The following ATXN10 variants were observed in gnomAD, a reference collection of about 807,000 sequenced individuals.
The protein encoded by ATXN10 is ataxin-10.
In ATXN10, 28 loss-of-function variants were observed where a neutral mutation model predicts 52.9. The ratio of observed to expected loss-of-function variants is 0.53; its 90% CI spans 0.39 to 0.73. ATXN10 has a LOEUF of 0.73. ATXN10 is among the 30% of genes least tolerant of loss of function. The probability of loss-of-function intolerance (pLI) is 0.00; values close to 1 mark genes in which losing one functional copy is unlikely to be tolerated. For synonymous variants in ATXN10, 226 were observed against 221.5 expected, an observed-to-expected ratio of 1.02 and a Z score of -0.18; for missense variants, 565 against 577.0, an observed-to-expected ratio of 0.98 and a Z score of 0.21.
At chr22:45,751,740 G>GAAAAAAAAA (rs200364242) in intron 9 of ATXN10, among the ~76,000 whole-genome samples, 3 of 45,498 alleles carry the variant, frequency 6.6e-5, no homozygotes, top group Admixed American at 5.0e-4. Context: ...CCTTTTTCTG[G>GAAAAAAAAA]AAAAAAAAAA....
rs1473870891 is a variant in ATXN10 at position 45,818,533 on chromosome 22, A to G, written c.1237+11511A>G. 1.3e-5 allele frequency among the ~76,000 whole-genome samples: 2 copies of G among 152,306 alleles called. No homozygotes were observed. The highest frequency in any genetic ancestry group is 2.1e-4 in the South Asian group (1 of 4,822). Reference sequence around the variant, plus strand: ...TGTTGTTTTTCAGAGCGAGGTTCTCAGTGTGAGCCATGTGGGCGGTCCTTT... The same window carrying G: ...TGTTGTTTTTCAGAGCGAGGTTCTCGGTGTGAGCCATGTGGGCGGTCCTTT... On this transcript the variant is annotated intron_variant, in intron 10 of 11. Coordinates refer to ENST00000252934, the MANE Select transcript of ATXN10 (RefSeq NM_013236.4). This position sits in a 1 kb window ranked among gnomAD's most constrained non-coding sequence, Gnocchi z 4.6.
In ATXN10 at chr22:45,774,964, G is replaced by C. The variant is rs1015463688; in HGVS notation, c.1174-31995G>C. The stretch of plus-strand genomic sequence containing the variant: ...CAAAACAAACAAATAAATAAATAAA[G>C]GCAGGGGTCGGAGAAACACTAAAGT... On this transcript the variant is annotated intron_variant, in intron 9 of 11. Coordinates refer to ENST00000252934, the MANE Select transcript of ATXN10 (RefSeq NM_013236.4). The surrounding 1 kb of genome is among the most constrained non-coding windows in gnomAD (Gnocchi z 6.2). Among the ~76,000 whole-genome samples the C allele has an allele frequency of 6.6e-6, 1 of 152,132 alleles. No homozygotes were observed. Among genetic ancestry groups the C allele is most frequent in the Non-Finnish European group, 1.5e-5 (1 of 67,988 alleles).
intron 6 of ATXN10, among the ~76,000 whole-genome samples, chr22:45,725,629 C>T (rs1924838792): frequency 6.6e-6 from 1 of 152,012 alleles, no homozygotes; most frequent in Non-Finnish European, 1.5e-5. Context: ...GTTTGCCTTC[C>T]TTTTTTCCAA....
rs1923037162 is a variant in ATXN10 at position 45,684,114 on chromosome 22, A to G, written c.117-5598A>G. 6.9e-6 allele frequency among the ~76,000 whole-genome samples: 1 copy of G among 144,732 alleles called. No homozygotes were observed. Among genetic ancestry groups the G allele is most frequent in the African/African-American group, 2.6e-5 (1 of 38,740 alleles). The allele number at this position is 144,732 out of a possible 152,430, so 94.9% of individuals were successfully genotyped here. On this transcript the variant is annotated intron_variant, in intron 1 of 11. Coordinates refer to ENST00000252934, the MANE Select transcript of ATXN10 (RefSeq NM_013236.4). The surrounding 1 kb of genome is among the most constrained non-coding windows in gnomAD (Gnocchi z 4.1). ...CTACGAGGCACAGACCATCAAGCCC[A>G]GCTAATTAAAACAAGTTTTTTTGTT...
intron 4 of ATXN10, 146 bp from the exon 5 acceptor site, chr22:45,702,543 T>A: frequency 1.4e-6 from 1 of 703,100 alleles, no homozygotes; most frequent in Non-Finnish European, 2.3e-6. Context: ...ATTTTTACAG[T>A]AAATAATCTA....
rs1363618675 is a variant in ATXN10 at position 45,781,662 on chromosome 22, G to C, written c.1174-25297G>C. Among the ~76,000 whole-genome samples the C allele has an allele frequency of 6.6e-6, 1 of 152,136 alleles. No homozygotes were observed. Among genetic ancestry groups the C allele is most frequent in the Non-Finnish European group, 1.5e-5 (1 of 68,020 alleles). ...ATACCAAGATGATGACATGGATGTTGGAATAATCTGATGAGGATTTCAAAG... is the reference window on the plus strand; with the variant it reads ...ATACCAAGATGATGACATGGATGTTCGAATAATCTGATGAGGATTTCAAAG... On this transcript the variant is annotated intron_variant, in intron 9 of 11. Transcript: ENST00000252934. This position sits in a 1 kb window ranked among gnomAD's most constrained non-coding sequence, Gnocchi z 4.2.
rs1924933672 is a variant in ATXN10, at chr22:45,727,662, A to G, written c.729-1763A>G. Among the ~76,000 whole-genome samples, 2 of 152,058 alleles carry G rather than the reference A, an allele frequency of 1.3e-5. No homozygotes were observed. The highest frequency in any genetic ancestry group is 4.8e-5 in the African/African-American group (2 of 41,396). ...AGGTGTGAGCCACCACACCCAGCCA[A>G]TATATTTTGATTTTTAAAAAAATAA... On this transcript the variant is annotated intron_variant, in intron 6 of 11. Coordinates refer to ENST00000252934, the MANE Select transcript of ATXN10 (RefSeq NM_013236.4). The surrounding 1 kb of genome is among the most constrained non-coding windows in gnomAD (Gnocchi z 4.6).
Position 45,837,540 on chromosome 22 carries a change from G to A in ATXN10, c.1238-5451G>A, listed in dbSNP as rs1391947558. ...GCCTCCCAAAGTGTTGGGATTACAG[G>A]CGTGAGCCACTATGCCCGGCCTATT... On this transcript the variant is annotated intron_variant, in intron 10 of 11. Coordinates refer to ENST00000252934, the MANE Select transcript of ATXN10 (RefSeq NM_013236.4). The surrounding 1 kb of genome is among the most constrained non-coding windows in gnomAD (Gnocchi z 5.8). Among the ~76,000 whole-genome samples, 2 of 152,362 alleles carry A rather than the reference G, an allele frequency of 1.3e-5. No individual in the cohort carries two copies. The highest frequency in any genetic ancestry group is 2.4e-5 in the African/African-American group (1 of 41,586).
intron 9 of ATXN10, among the ~76,000 whole-genome samples, chr22:45,761,471 C>CTA (rs1926388637): frequency 6.6e-6 from 1 of 152,202 alleles, no homozygotes. Context: ...TTAAACTTTT[C>CTA]TAAGCACTTA....
rs1601681462 is a variant in ATXN10, at chr22:45,842,337, C to T, written c.1238-654C>T. 6.6e-6 allele frequency among the ~76,000 whole-genome samples: 1 copy of T among 152,190 alleles called. No individual in the cohort carries two copies. The highest frequency in any genetic ancestry group is 1.5e-5 in the Non-Finnish European group (1 of 68,026). On this transcript the variant is annotated intron_variant, in intron 10 of 11. Transcript: ENST00000252934. This position sits in a 1 kb window ranked among gnomAD's most constrained non-coding sequence, Gnocchi z 4.8. The stretch of plus-strand genomic sequence containing the variant: ...GTCTCTGGTCTCCTGCCAAGCGGAA[C>T]GTGCCAGGTGAACACTTGGGCACAG...
At chr22:45,748,198 A>G (rs1453984031) in intron 9 of ATXN10, among the ~76,000 whole-genome samples, 3 of 151,926 alleles carry the variant, frequency 2.0e-5, no homozygotes, top group Admixed American at 6.6e-5. Flanking sequence ...AAAAAAGTAT[A>G]TAATGGATTG....
intron 7 of ATXN10, among the ~76,000 whole-genome samples, chr22:45,735,999 T>C (rs1925281697): frequency 6.6e-6 from 1 of 152,166 alleles, no homozygotes; most frequent in Admixed American, 6.5e-5. Flanking sequence ...AATAAAATGA[T>C]TTTAATGAGT....
Position 45,820,980 on chromosome 22 carries a change from G to A in ATXN10, c.1237+13958G>A, listed in dbSNP as rs1436924318. Among the ~76,000 whole-genome samples the A allele has an allele frequency of 6.6e-6, 1 of 152,106 alleles. No homozygotes were observed. The highest frequency in any genetic ancestry group is 1.5e-5 in the Non-Finnish European group (1 of 68,020). On this transcript the variant is annotated intron_variant, in intron 10 of 11. Coordinates refer to ENST00000252934, the MANE Select transcript of ATXN10 (RefSeq NM_013236.4). This position sits in a 1 kb window ranked among gnomAD's most constrained non-coding sequence, Gnocchi z 4.9. The stretch of plus-strand genomic sequence containing the variant: ...TTAAGATTTTTCACCTGAATATGAC[G>A]AGACTTAACTTTTACAAGAGAGTCT...
chr22:45,748,640 A>G (rs34876313), intron 9 of ATXN10, among the ~76,000 whole-genome samples: 6,041 of 152,268 alleles, frequency 0.04, 179 homozygotes, highest in South Asian at 0.1. Context: ...TCTTACCTCA[A>G]TTGGATTGTG....
At position 45,689,737 on chromosome 22, in the gene ATXN10, C is replaced by G. The variant is rs777678532; in HGVS notation, c.142C>G (p.Gln48Glu). The change falls in exon 2 of 12, where the codon CAA (glutamine) becomes GAA (glutamate). Residue 48 changes from glutamine (Q) to glutamate (E), a missense_variant. By Grantham distance (29) the Gln-to-Glu change is conservative. Coordinates refer to ENST00000252934, the MANE Select transcript of ATXN10 (RefSeq NM_013236.4). ...NRETAPRTIFQRVLDILKKSS... is the reference protein window; with the variant it reads ...NRETAPRTIFERVLDILKKSS... The stretch of plus-strand genomic sequence containing the variant: ...AGAAACAGCACCCAGGACTATCTTC[C>G]AAAGAGTTCTGGATATCCTAAAGAA... 2.7e-5 allele frequency: 44 copies of G among 1,613,982 alleles called. No homozygotes were observed. The highest frequency in any genetic ancestry group is 3.6e-5 in the Non-Finnish European group (43 of 1,180,012).
At chr22:45,740,024 T>G (rs771983681) in intron 8 of ATXN10, among the ~76,000 whole-genome samples, 8 of 152,194 alleles carry the variant, frequency 5.3e-5, no homozygotes, top group Non-Finnish European at 8.8e-5. Flanking sequence ...ATTAGAAAAG[T>G]TCTTTCATAA....
At chr22:45,830,372 T>C (rs1027512319) in intron 10 of ATXN10, among the ~76,000 whole-genome samples, 6 of 152,156 alleles carry the variant, frequency 3.9e-5, no homozygotes, top group Non-Finnish European at 7.3e-5. Flanking sequence ...TTTTAAAATA[T>C]TTTGCATCAT....
chr22:45,737,628 A>T (rs1360785856), intron 7 of ATXN10, among the ~76,000 whole-genome samples: 1 of 152,042 alleles, frequency 6.6e-6, no homozygotes, highest in Non-Finnish European at 1.5e-5. Context: ...ATTAGAAAAC[A>T]GTAAATACAC....
chr22:45,696,081 T>C lies in ATXN10; in HGVS notation c.391+3003T>C, dbSNP rs1923595358. 1.3e-5 allele frequency among the ~76,000 whole-genome samples: 2 copies of C among 152,220 alleles called. No individual in the cohort carries two copies. Among genetic ancestry groups the C allele is most frequent in the Non-Finnish European group, 2.9e-5 (2 of 68,036 alleles). On this transcript the variant is annotated intron_variant, in intron 3 of 11. Coordinates refer to ENST00000252934, the MANE Select transcript of ATXN10 (RefSeq NM_013236.4). The surrounding 1 kb of genome is among the most constrained non-coding windows in gnomAD (Gnocchi z 4.7). ...CAGACAAAGTGCATCACCATGTTTT[T>C]TTGAGCATCAGTTTTTAAAATAATC...
Sources: allele counts gnomAD v4.1 joint callset (sites outside exome capture counted in the v4.1 genomes callset), GRCh38; gene constraint gnomAD v4.1.1; non-coding constraint Gnocchi (gnomAD v3.1); transcripts MANE v1.5; gene names NCBI Gene and HGNC (gene_info 2026-07-23, HGNC 2026-07-21).